NDFIP1: variants seen among roughly 807,000 people sequenced by gnomAD.
NDFIP1 encodes the protein Nedd4 family interacting protein 1, also known as NEDD4 family-interacting protein 1.
NDFIP1 carries 7 observed loss-of-function variants against 28.8 expected under a neutral mutation model. The ratio of observed to expected loss-of-function variants is 0.24; its 90% CI spans 0.14 to 0.46. The LOEUF is 0.46. NDFIP1 is among the 20% of genes least tolerant of loss of function. The probability of loss-of-function intolerance (pLI) is 0.99; values close to 1 mark genes in which losing one functional copy is unlikely to be tolerated. For missense variants in NDFIP1, 194 were observed against 269.1 expected (o/e 0.72, Z 1.95); for synonymous variants, 92 against 101.0 (o/e 0.91, Z 0.53).
At position 142,148,255 on chromosome 5, in the gene NDFIP1, C is replaced by G. The variant is rs186372128; in HGVS notation, c.*3-3476C>G. On this transcript the variant is annotated intron_variant, in intron 7 of 7. Transcript: ENST00000253814. ...TGAAGTGATCCCAAAACACCTCCTT[C>G]TAATCAGTCAAAGTAGATATTACAA... Among the ~76,000 whole-genome samples the G allele has an allele frequency of 5.3e-4, 80 of 152,260 alleles. 1 individual carries two copies. The highest frequency in any genetic ancestry group is 1.8e-3 in the African/African-American group (73 of 41,554).
intron 6 of NDFIP1, chr5:142,144,135 G>A (rs1757364559): frequency 6.5e-6 from 1 of 154,866 alleles, no homozygotes; most frequent in Non-Finnish European, 1.4e-5. Context: ...AACAGCCCAT[G>A]ACAAGGAAGG....
At chr5:142,110,190 A>G (rs1756998846) in intron 1 of NDFIP1, among the ~76,000 whole-genome samples, 2 of 152,202 alleles carry the variant, frequency 1.3e-5, no homozygotes, top group East Asian at 3.8e-4. Context: ...CAAAATGACT[A>G]GTTAAGAATT....
At chr5:142,140,667 T>G in intron 6 of NDFIP1, 38 bp downstream of exon 6, 1 of 1,517,668 alleles carries the variant, frequency 6.6e-7, no homozygotes, top group South Asian at 1.2e-5. Context: ...AAGAAAACAT[T>G]ACATTAAATT....
chr5:142,138,670 T>G (rs1197579979), intron 5 of NDFIP1, among the ~76,000 whole-genome samples: 6 of 152,196 alleles, frequency 3.9e-5, no homozygotes, highest in Non-Finnish European at 4.4e-5. Context: ...TGATGAAAGT[T>G]GTAAGCTTTT....
intron 3 of NDFIP1, among the ~76,000 whole-genome samples, chr5:142,135,271 C>T (rs1757262398): frequency 6.6e-6 from 1 of 152,196 alleles, no homozygotes. Context: ...AGCCACTGCA[C>T]CTGGCTGATT....
chr5:142,148,195 A>C (rs770518617), intron 7 of NDFIP1, among the ~76,000 whole-genome samples: 3 of 152,238 alleles, frequency 2.0e-5, no homozygotes, highest in Admixed American at 6.5e-5. Context: ...TTTTCTAGTC[A>C]GGCTACCTGA....
intron 5 of NDFIP1, among the ~76,000 whole-genome samples, chr5:142,138,969 G>C (rs1323235204): frequency 2.0e-5 from 3 of 150,710 alleles, no homozygotes; most frequent in Admixed American, 2.0e-4. Flanking sequence ...TGTAATCCCA[G>C]CACTTTGGGA....
chr5:142,123,618 G>A (rs1372899017), intron 1 of NDFIP1, among the ~76,000 whole-genome samples: 4 of 152,268 alleles, frequency 2.6e-5, no homozygotes, highest in South Asian at 4.1e-4. Flanking sequence ...ACGGGGTCTT[G>A]AGAGGTTAAA....
intron 3 of NDFIP1, among the ~76,000 whole-genome samples, chr5:142,133,882 A>G (rs940537910): frequency 1.8e-4 from 27 of 152,248 alleles, no homozygotes; most frequent in Admixed American, 5.2e-4. Context: ...AGCAGTGGGC[A>G]TCAAGAACTG....
At chr5:142,126,018 TAAC>T (rs1203279606) in intron 1 of NDFIP1, among the ~76,000 whole-genome samples, 1 of 152,202 alleles carries the variant, frequency 6.6e-6, no homozygotes, top group East Asian at 1.9e-4. Flanking sequence ...CCCTAATTAA[TAAC>T]AATTAGATAG....
At chr5:142,119,285 A>G (rs1757099319) in intron 1 of NDFIP1, among the ~76,000 whole-genome samples, 2 of 152,244 alleles carry the variant, frequency 1.3e-5, no homozygotes, top group South Asian at 4.1e-4. Context: ...CAGTTCTGAT[A>G]TACATGTGTA....
intron 1 of NDFIP1, among the ~76,000 whole-genome samples, chr5:142,122,561 T>C (rs1459009000): frequency 6.6e-6 from 1 of 152,200 alleles, no homozygotes; most frequent in Non-Finnish European, 1.5e-5. Flanking sequence ...TTTGTTGATA[T>C]TAGCAAACAG....
intron 1 of NDFIP1, among the ~76,000 whole-genome samples, chr5:142,121,252 G>C (rs1757119457): frequency 6.6e-6 from 1 of 152,184 alleles, no homozygotes; most frequent in Non-Finnish European, 1.5e-5. Flanking sequence ...TTAATGCTAA[G>C]TGCTGTAGGT....
intron 3 of NDFIP1, 44 bp from the exon 4 acceptor site, chr5:142,135,686 T>C (rs1561602531): frequency 6.5e-7 from 1 of 1,547,254 alleles, no homozygotes. Context: ...TTTTTCTTTA[T>C]GTCTTCCCTT....
chr5:142,116,318 A>G (rs1350657457), intron 1 of NDFIP1, among the ~76,000 whole-genome samples: 2 of 144,878 alleles, frequency 1.4e-5, no homozygotes, highest in Non-Finnish European at 3.0e-5. Flanking sequence ...ATATTTATTT[A>G]TTTATTTCCT....
At chr5:142,114,116 C>T (rs1757041319) in intron 1 of NDFIP1, among the ~76,000 whole-genome samples, 1 of 152,114 alleles carries the variant, frequency 6.6e-6, no homozygotes. Context: ...TTTAAGTTTT[C>T]GAGAAACTCC....
intron 1 of NDFIP1, among the ~76,000 whole-genome samples, chr5:142,126,023 A>G (rs1757167109): frequency 1.3e-5 from 2 of 152,160 alleles, no homozygotes; most frequent in Non-Finnish European, 1.5e-5. Flanking sequence ...ATTAATAACA[A>G]TTAGATAGAG....
At chr5:142,151,181 G>A (rs546362012) in intron 7 of NDFIP1, among the ~76,000 whole-genome samples, 1 of 152,240 alleles carries the variant, frequency 6.6e-6, no homozygotes, top group East Asian at 1.9e-4. Flanking sequence ...TGACTTTTTA[G>A]GAAAACTTGT....
intron 1 of NDFIP1, among the ~76,000 whole-genome samples, chr5:142,130,377 GA>G (rs1395418699): frequency 1.3e-5 from 2 of 152,136 alleles, no homozygotes; most frequent in African/African-American, 4.8e-5. Flanking sequence ...GATATCTATT[GA>G]CAGATATATG....
Sources: gnomAD v4.1 joint callset for allele counts (sites outside exome capture counted in the v4.1 genomes callset) on GRCh38, gnomAD v4.1.1 for gene constraint, MANE v1.5 for transcripts, NCBI Gene and HGNC (gene_info 2026-07-23, HGNC 2026-07-21) for gene names.